Variants in LRRTM4 observed in about 807,000 individuals in gnomAD.
The protein encoded by LRRTM4 is leucine-rich repeat transmembrane neuronal protein 4.
A neutral mutation model predicts 47.6 loss-of-function variants in LRRTM4; 25 were observed. The observed-to-expected ratio is 0.53, with a 90% confidence interval of 0.38 to 0.73. LRRTM4 has a LOEUF of 0.73. Among genes scored for constraint, LRRTM4 ranks in the 30% least tolerant of loss-of-function variants. The pLI is 0.00. For synonymous variants in LRRTM4, 311 were observed against 269.5 expected, an observed-to-expected ratio of 1.15 and a Z score of -1.51; for missense variants, 638 against 713.4, an observed-to-expected ratio of 0.89 and a Z score of 1.20.
At chr2:77,150,932 C>A (rs912062027) in intron 3 of LRRTM4, among the ~76,000 whole-genome samples, 1 of 152,064 alleles carries the variant, frequency 6.6e-6, no homozygotes, top group African/African-American at 2.4e-5. Flanking sequence ...CTTCTCTTCT[C>A]ACCTTCCATT....
chr2:77,073,910 CTGAGG>C (rs1434917628), intron 3 of LRRTM4, among the ~76,000 whole-genome samples: 1 of 151,958 alleles, frequency 6.6e-6, no homozygotes, highest in East Asian at 1.9e-4. Flanking sequence ...TTTTCTTCAG[CTGAGG>C]GCATTTTATT....
intron 3 of LRRTM4, among the ~76,000 whole-genome samples, chr2:76,780,098 C>G (rs867993504): frequency 1.6e-4 from 25 of 152,240 alleles, no homozygotes; most frequent in Middle Eastern, 3.2e-3. Flanking sequence ...CCCCCACTCT[C>G]TTCTGGCTTG....
chr2:76,848,002 G>T (rs966147140), intron 3 of LRRTM4, among the ~76,000 whole-genome samples: 12 of 152,086 alleles, frequency 7.9e-5, no homozygotes, highest in Admixed American at 2.6e-4. Context: ...TCAAGGCAGG[G>T]TGGAATCTTA....
intron 3 of LRRTM4, among the ~76,000 whole-genome samples, chr2:76,776,038 G>C (rs1673969316): frequency 6.6e-6 from 1 of 152,030 alleles, no homozygotes; most frequent in African/African-American, 2.4e-5. Context: ...GTAGTTTACT[G>C]AGAATGATGA....
intron 3 of LRRTM4, among the ~76,000 whole-genome samples, chr2:76,794,564 T>C (rs1291123927): frequency 1.3e-5 from 2 of 152,252 alleles, no homozygotes; most frequent in Non-Finnish European, 2.9e-5. Context: ...ATTAATTCTA[T>C]ATGCTTTTTA....
intron 3 of LRRTM4, among the ~76,000 whole-genome samples, chr2:76,895,694 T>C (rs924618675): frequency 3.3e-5 from 5 of 151,996 alleles, no homozygotes; most frequent in Non-Finnish European, 5.9e-5. Context: ...CATCACGCCA[T>C]CGGAATGGAA....
intron 3 of LRRTM4, among the ~76,000 whole-genome samples, chr2:76,889,856 G>A (rs1673195208): frequency 6.6e-6 from 1 of 151,740 alleles, no homozygotes; most frequent in Admixed American, 6.6e-5. Flanking sequence ...AGAGAGAGGT[G>A]AGATTGAGGT....
intron 3 of LRRTM4, among the ~76,000 whole-genome samples, chr2:76,968,494 A>T (rs1013113024): frequency 6.7e-6 from 1 of 149,580 alleles, no homozygotes; most frequent in Admixed American, 6.7e-5. Context: ...CTACCTATCT[A>T]TTTGTATTCT....
chr2:77,229,352 A>G (rs1248449550), intron 3 of LRRTM4, among the ~76,000 whole-genome samples: 2 of 152,084 alleles, frequency 1.3e-5, no homozygotes, highest in African/African-American at 4.8e-5. Flanking sequence ...ATATTCCTTT[A>G]TCCAAACAAT....
At chr2:77,410,715 C>A (rs928003348) in intron 3 of LRRTM4, among the ~76,000 whole-genome samples, 6 of 152,110 alleles carry the variant, frequency 3.9e-5, no homozygotes, top group African/African-American at 1.4e-4. Flanking sequence ...ATGATTATAA[C>A]CAGGGATGTA....
chr2:77,131,228 T>G (rs2103976289), intron 3 of LRRTM4, among the ~76,000 whole-genome samples: 1 of 152,290 alleles, frequency 6.6e-6, no homozygotes, highest in South Asian at 2.1e-4. Context: ...CGCAAGTAAA[T>G]GATTTATAGG....
intron 3 of LRRTM4, among the ~76,000 whole-genome samples, chr2:77,022,665 A>G (rs1464624647): frequency 6.6e-6 from 1 of 152,226 alleles, no homozygotes; most frequent in Non-Finnish European, 1.5e-5. Flanking sequence ...GCAATCAAAT[A>G]TTAAAGGTCC....
chr2:77,355,741 C>T (rs1671942662), intron 3 of LRRTM4, among the ~76,000 whole-genome samples: 1 of 152,140 alleles, frequency 6.6e-6, no homozygotes, highest in Non-Finnish European at 1.5e-5. Context: ...GTCTAATTGG[C>T]TCTGGTGCAG....
rs541547170 is a variant in LRRTM4 at position 76,781,330 on chromosome 2, T to G, written c.1552-32414A>C. Among the ~76,000 whole-genome samples, 299 of 150,472 alleles carry G rather than the reference T, an allele frequency of 2.0e-3. 3 individuals carry two copies. In the South Asian group the frequency reaches 0.037, roughly 19 times the overall value. ...TGTTTACCTAATCAAGCCTGTTCAA[T>G]GGCGGGCACCCCTCCCCCAGCCTGG... On this transcript the variant is annotated intron_variant, in intron 3 of 3. Coordinates refer to ENST00000409884, the MANE Select transcript of LRRTM4 (RefSeq NM_001134745.3).
At chr2:76,874,064 G>C (rs1056748994) in intron 3 of LRRTM4, among the ~76,000 whole-genome samples, 1 of 151,382 alleles carries the variant, frequency 6.6e-6, no homozygotes, top group Non-Finnish European at 1.5e-5. Context: ...TTAGTATGCT[G>C]GTGTACTTTA....
intron 3 of LRRTM4, among the ~76,000 whole-genome samples, chr2:77,021,598 C>A (rs1412039191): frequency 6.6e-6 from 1 of 152,068 alleles, no homozygotes; most frequent in Non-Finnish European, 1.5e-5. Flanking sequence ...TGTGAAAGAC[C>A]ACATAGAGAA....
At chr2:77,016,773 C>A (rs376238879) in intron 3 of LRRTM4, among the ~76,000 whole-genome samples, 22 of 152,124 alleles carry the variant, frequency 1.4e-4, no homozygotes, top group African/African-American at 5.1e-4. Context: ...TTTCTGGGAA[C>A]TTTGCATTCT....
chr2:77,358,568 C>T (rs879545820), intron 3 of LRRTM4, among the ~76,000 whole-genome samples: 13 of 152,218 alleles, frequency 8.5e-5, no homozygotes, highest in African/African-American at 1.7e-4. Context: ...GCCGCTTCAA[C>T]GCATAATTTT....
At chr2:76,990,420 G>A (rs1056440125) in intron 3 of LRRTM4, among the ~76,000 whole-genome samples, 1 of 151,688 alleles carries the variant, frequency 6.6e-6, no homozygotes, top group Non-Finnish European at 1.5e-5. Context: ...CATCTCCTAT[G>A]TAATAACACA....
Sources: allele counts gnomAD v4.1 joint callset (sites outside exome capture counted in the v4.1 genomes callset), GRCh38; gene constraint gnomAD v4.1.1; transcripts MANE v1.5; gene names NCBI Gene and HGNC (gene_info 2026-07-23, HGNC 2026-07-21).